Variants in DHX8 observed in about 807,000 individuals in gnomAD.
The protein encoded by DHX8 is ATP-dependent RNA helicase DHX8.
DHX8 carries 67 observed loss-of-function variants against 140.7 expected under a neutral mutation model. The ratio of observed to expected loss-of-function variants is 0.48; its 90% CI spans 0.39 to 0.58. The LOEUF (loss-of-function observed/expected upper bound fraction) is 0.58. Ranked by LOEUF, DHX8 falls within the 20% of genes least tolerant of loss-of-function variation. The pLI is 0.00. For synonymous variants in DHX8, 533 were observed against 553.2 expected, an observed-to-expected ratio of 0.96 and a Z score of 0.51; for missense variants, 887 against 1,550.7, an observed-to-expected ratio of 0.57 and a Z score of 7.19.
chr17:43,509,661 T>G (rs917366575), intron 16 of DHX8, among the ~76,000 whole-genome samples: 1 of 151,392 alleles, frequency 6.6e-6, no homozygotes, highest in Non-Finnish European at 1.5e-5. Context: ...TTTTGGTTTT[T>G]GTTTTTGTTT....
chr17:43,508,089 G>A (rs1567688944), intron 15 of DHX8, 70 bp downstream of exon 15: 15 of 1,435,454 alleles, frequency 1.0e-5, no homozygotes, highest in Non-Finnish European at 1.4e-5. Flanking sequence ...GTCCTCATAT[G>A]GGTATCTTTT....
At chr17:43,541,842 G>A (rs1400530974) in intron 3 of DHX8, among the ~76,000 whole-genome samples, 1 of 152,178 alleles carries the variant, frequency 6.6e-6, no homozygotes, top group Non-Finnish European at 1.5e-5. Context: ...TCAGGAAGGG[G>A]AAGAGACAGA....
rs764426611 is a variant in DHX8 at position 43,532,999 on chromosome 17, C to T, written c.351-3413C>T. 1.6e-5 allele frequency: 24 copies of T among 1,522,698 alleles called. No homozygotes were observed. The African/African-American group carries it at 3.1e-4, about 19-fold the overall frequency. 94.3% of individuals were successfully genotyped at this position (1,522,698 alleles called of 1,614,324 possible). Reference sequence around the variant, plus strand: ...AACTTTAAATTAATCCTTCCTCGAGCCTGTTACTCCTAGGCTTTTAGAGTG... The same window carrying T: ...AACTTTAAATTAATCCTTCCTCGAGTCTGTTACTCCTAGGCTTTTAGAGTG... On this transcript the variant is annotated intron_variant, in intron 2 of 3. Transcript: ENST00000589898.
chr17:43,511,405 T>G (rs1041151627), intron 16 of DHX8, among the ~76,000 whole-genome samples: 2 of 150,874 alleles, frequency 1.3e-5, no homozygotes, highest in African/African-American at 2.4e-5. Flanking sequence ...AACATTTGTT[T>G]ACACATTTTT....
chr17:43,528,679 A>T, downstream of DHX8: 1 of 1,614,118 alleles, frequency 6.2e-7, no homozygotes, highest in African/African-American at 1.3e-5. Context: ...ATTGTCCGGG[A>T]AGGCCAAAGA....
intron 3 of DHX8, among the ~76,000 whole-genome samples, chr17:43,536,724 G>C (rs1971261576): frequency 6.6e-6 from 1 of 152,258 alleles, no homozygotes; most frequent in African/African-American, 2.4e-5. Context: ...AATTTTACAA[G>C]GAATTTATGT....
At chr17:43,540,697 G>GTT (rs1240996807) in intron 3 of DHX8, among the ~76,000 whole-genome samples, 1 of 152,156 alleles carries the variant, frequency 6.6e-6, no homozygotes, top group African/African-American at 2.4e-5. Context: ...TTTGGATAGA[G>GTT]GGTAAGAGGC....
At chr17:43,486,191 CAAAAAAA>C (rs199805080) in intron 1 of DHX8, among the ~76,000 whole-genome samples, 2 of 91,938 alleles carry the variant, frequency 2.2e-5, no homozygotes, top group African/African-American at 8.2e-5. Flanking sequence ...GACTTTATTT[CAAAAAAA>C]AAAAAAAAAA....
intron 12 of DHX8, 70 bp from the exon 13 acceptor site, chr17:43,506,928 TTTATA>T (rs1285930304): frequency 8.5e-7 from 1 of 1,169,996 alleles, no homozygotes; most frequent in Non-Finnish European, 1.2e-6. Flanking sequence ...AATGACCATA[TTTATA>T]TTCTGTTTAA....
At chr17:43,526,511 C>T (rs1411567722), downstream of DHX8, 3 of 1,535,690 alleles carry the variant, frequency 2.0e-6, no homozygotes, top group East Asian at 7.3e-5. Flanking sequence ...AGCACTTCCT[C>T]CCTGTGGTTG....
chr17:43,487,871 G>C (rs1968261611), intron 1 of DHX8, among the ~76,000 whole-genome samples: 4 of 152,102 alleles, frequency 2.6e-5, no homozygotes, highest in Admixed American at 2.6e-4. Flanking sequence ...CAGCTACTTA[G>C]GAGGCTGAGA....
chr17:43,514,780 A>AAGT (rs1970023382), intron 17 of DHX8, among the ~76,000 whole-genome samples: 1 of 152,218 alleles, frequency 6.6e-6, no homozygotes, highest in Non-Finnish European at 1.5e-5. Context: ...TCCAAAAGGG[A>AAGT]AGTAGTTTAA....
chr17:43,506,196 C>T (rs1055244150), intron 12 of DHX8, among the ~76,000 whole-genome samples: 5 of 151,748 alleles, frequency 3.3e-5, no homozygotes, highest in South Asian at 2.1e-4. Flanking sequence ...TGTAGAGATG[C>T]GGTCTCACTA....
chr17:43,532,999 C>G, intron 2 of DHX8: 2 of 1,522,816 alleles, frequency 1.3e-6, no homozygotes, highest in African/African-American at 2.8e-5. Flanking sequence ...CTTCCTCGAG[C>G]CTGTTACTCC....
rs776641288 is a variant in DHX8, at chr17:43,522,113, G to A, written c.3330G>A (p.Gly1110=). ...GAGTGCAGAAGGCCATCTGCAGTGG[G>A]TTCTTCCGTAATGCTGCCAAGAAAG... ...TVRVQKAICS[G]FFRNAAKKDP... Residue 1110 remains glycine (G), a synonymous_variant, in exon 22 of 23, where the codon GGG becomes GGA. Coordinates refer to ENST00000262415, the MANE Select transcript of DHX8 (RefSeq NM_004941.3). 6.2e-7 allele frequency: 1 copy of A among 1,614,016 alleles called. No homozygotes were observed. Among genetic ancestry groups the A allele is most frequent in the African/African-American group, 1.3e-5 (1 of 74,916 alleles).
chr17:43,486,338 T>C (rs150147135), intron 1 of DHX8, among the ~76,000 whole-genome samples: 23 of 152,348 alleles, frequency 1.5e-4, no homozygotes, highest in African/African-American at 5.3e-4. Context: ...TTCTTTTGCT[T>C]TTGACCCTGA....
At chr17:43,507,305 G>T in intron 13 of DHX8, 108 bp downstream of exon 13, 1 of 1,269,568 alleles carries the variant, frequency 7.9e-7, no homozygotes, top group Non-Finnish European at 1.1e-6. Flanking sequence ...GGTTTCTCCT[G>T]AGGGAGAGAG....
intron 1 of DHX8, among the ~76,000 whole-genome samples, chr17:43,486,613 G>A (rs907524503): frequency 2.6e-5 from 4 of 152,106 alleles, no homozygotes; most frequent in Admixed American, 2.0e-4. Flanking sequence ...AGGCGCAGTG[G>A]CTCACACATG....
chr17:43,533,988 G>T lies in DHX8; in HGVS notation c.351-2424G>T, dbSNP rs377089461. 7.7e-4 allele frequency: 1,175 copies of T among 1,526,262 alleles called. 22 individuals are homozygous for T. In the South Asian group the frequency reaches 0.015, roughly 20 times the overall value. The allele number at this position is 1,526,262 out of a possible 1,614,324, so 94.5% of individuals were successfully genotyped here. A position where few individuals can be genotyped will look rare whatever the true frequency, so the allele number is the denominator to read the frequency against. ...GGTGGTGGGGCTGTGGAAAGCTACT[G>T]TGGGGGTGGAGGGGACAGAGCAAGG... is the stretch of plus-strand genomic sequence containing the variant. On this transcript the variant is annotated intron_variant, in intron 2 of 3. Transcript: ENST00000589898.
Sources: gnomAD v4.1 joint callset for allele counts (sites outside exome capture counted in the v4.1 genomes callset) on GRCh38, gnomAD v4.1.1 for gene constraint, MANE v1.5 for transcripts, NCBI Gene and HGNC (gene_info 2026-07-23, HGNC 2026-07-21) for gene names.